RIT2: variants seen among roughly 807,000 people sequenced by gnomAD.
RIT2 encodes the protein Ras like without CAAX 2.
In RIT2, 24 loss-of-function variants were observed where a neutral mutation model predicts 23.7. The ratio of observed to expected loss-of-function variants is 1.01; its 90% CI spans 0.73 to 1.43. The LOEUF is 1.43. Among genes scored for constraint, RIT2 ranks in the 40% most tolerant of loss-of-function variants. RIT2 has a pLI of 0.00. For missense variants in RIT2, 236 were observed against 266.9 expected, an observed-to-expected ratio of 0.88 and a Z score of 0.81; for synonymous variants, 107 against 91.1, an observed-to-expected ratio of 1.17 and a Z score of -0.99.
At chr18:42,840,084 C>T (rs552132768) in intron 4 of RIT2, among the ~76,000 whole-genome samples, 1 of 152,288 alleles carries the variant, frequency 6.6e-6, no homozygotes, top group African/African-American at 2.4e-5. Context: ...TTCAGGTTAG[C>T]CCACCTTAAA....
chr18:42,826,432 C>T (rs1482144521), intron 4 of RIT2, among the ~76,000 whole-genome samples: 3 of 151,816 alleles, frequency 2.0e-5, no homozygotes, highest in Non-Finnish European at 4.4e-5. Context: ...TCAAAAGATG[C>T]AAAAAAACAT....
intron 3 of RIT2, among the ~76,000 whole-genome samples, chr18:42,947,556 T>C (rs1324432573): frequency 1.3e-5 from 2 of 152,118 alleles, no homozygotes; most frequent in Non-Finnish European, 2.9e-5. Context: ...GCAAGCCTTC[T>C]TAGAAATGTC....
intron 2 of RIT2, among the ~76,000 whole-genome samples, chr18:42,995,211 C>T (rs1039398212): frequency 3.9e-5 from 6 of 152,258 alleles, no homozygotes; most frequent in Admixed American, 2.0e-4. Flanking sequence ...GAAATCTATC[C>T]TCAAAGAAAT....
chr18:42,949,386 A>G (rs1243148168), intron 3 of RIT2, among the ~76,000 whole-genome samples: 1 of 152,124 alleles, frequency 6.6e-6, no homozygotes, highest in Non-Finnish European at 1.5e-5. Flanking sequence ...CAGGGAGGTA[A>G]AGGAAGACAA....
intron 1 of RIT2, among the ~76,000 whole-genome samples, chr18:43,086,478 G>A (rs1913285086): frequency 6.6e-6 from 1 of 152,176 alleles, no homozygotes; most frequent in African/African-American, 2.4e-5. Context: ...AGAGGGAGCT[G>A]TTGGAGAATT....
intron 4 of RIT2, among the ~76,000 whole-genome samples, chr18:42,807,165 A>C (rs1021629849): frequency 6.6e-6 from 1 of 152,184 alleles, no homozygotes; most frequent in Admixed American, 6.5e-5. Context: ...ATTTCAAAAA[A>C]GAAAGCCATT....
chr18:42,928,683 C>T (rs1909245326), intron 3 of RIT2, among the ~76,000 whole-genome samples: 1 of 151,812 alleles, frequency 6.6e-6, no homozygotes, highest in Non-Finnish European at 1.5e-5. Flanking sequence ...AAAAGGATTG[C>T]AATAAGTAGG....
chr18:42,837,231 G>A (rs539769298), intron 4 of RIT2, among the ~76,000 whole-genome samples: 2 of 122,660 alleles, frequency 1.6e-5, no homozygotes, highest in Non-Finnish European at 3.2e-5. Context: ...GCAGTGGCGT[G>A]ATCTCAGCTC....
At chr18:42,931,481 A>T (rs923078880) in intron 3 of RIT2, among the ~76,000 whole-genome samples, 4 of 152,144 alleles carry the variant, frequency 2.6e-5, no homozygotes, top group African/African-American at 9.7e-5. Flanking sequence ...CTAAGAAGGG[A>T]GGAGGAAAGA....
chr18:43,043,862 G>C (rs1912186541), intron 1 of RIT2, among the ~76,000 whole-genome samples: 1 of 152,102 alleles, frequency 6.6e-6, no homozygotes, highest in African/African-American at 2.4e-5. Context: ...AGCAGGGAGA[G>C]TGTTCTTTTA....
chr18:42,775,981 A>C (rs951191937), intron 4 of RIT2, among the ~76,000 whole-genome samples: 30 of 152,164 alleles, frequency 2.0e-4, no homozygotes, highest in African/African-American at 7.0e-4. Context: ...TAAGGCAATA[A>C]ATTGATGTGA....
At chr18:43,061,616 G>C (rs751120768) in intron 1 of RIT2, among the ~76,000 whole-genome samples, 6 of 152,072 alleles carry the variant, frequency 3.9e-5, no homozygotes, top group Non-Finnish European at 7.4e-5. Context: ...TTCTCGATTA[G>C]TTCCTTCTGA....
chr18:42,772,918 T>C (rs940202309), intron 4 of RIT2, among the ~76,000 whole-genome samples: 1 of 152,110 alleles, frequency 6.6e-6, no homozygotes, highest in Non-Finnish European at 1.5e-5. Context: ...TAGTGAGACC[T>C]TGGGAGAACC....
intron 4 of RIT2, among the ~76,000 whole-genome samples, chr18:42,922,786 T>C (rs1342984510): frequency 1.3e-5 from 2 of 152,130 alleles, no homozygotes; most frequent in Admixed American, 1.3e-4. Context: ...TTTTGTTTGT[T>C]CGGAGAAGTT....
intron 1 of RIT2, among the ~76,000 whole-genome samples, chr18:43,107,655 C>T (rs1315582841): frequency 1.3e-5 from 2 of 152,092 alleles, no homozygotes; most frequent in African/African-American, 4.8e-5. Context: ...AAGGAATTGT[C>T]ACCTTCTCTC....
intron 2 of RIT2, among the ~76,000 whole-genome samples, chr18:43,009,558 A>G (rs1350273167): frequency 6.6e-6 from 1 of 151,750 alleles, no homozygotes; most frequent in East Asian, 2.0e-4. Context: ...GGCAGCTGGA[A>G]TATTTTCACA....
chr18:42,959,619 C>A (rs1205351951), intron 3 of RIT2, among the ~76,000 whole-genome samples: 1 of 152,158 alleles, frequency 6.6e-6, no homozygotes, highest in African/African-American at 2.4e-5. Flanking sequence ...TTACTATTCT[C>A]CTAACAGGCT....
At chr18:43,013,244 T>C (rs1489423045) in intron 2 of RIT2, among the ~76,000 whole-genome samples, 4 of 151,910 alleles carry the variant, frequency 2.6e-5, no homozygotes, top group Non-Finnish European at 4.4e-5. Context: ...TTAAAAATTG[T>C]TATAGTACTT....
intron 2 of RIT2, among the ~76,000 whole-genome samples, chr18:42,983,851 GACATTA>G (rs572420374): frequency 6.6e-6 from 1 of 152,152 alleles, no homozygotes; most frequent in South Asian, 2.1e-4. Flanking sequence ...AAAATGTAGT[GACATTA>G]ACCTAATGCT....
Sources: allele counts gnomAD v4.1 joint callset (sites outside exome capture counted in the v4.1 genomes callset), GRCh38; gene constraint gnomAD v4.1.1; transcripts MANE v1.5; gene names NCBI Gene and HGNC (gene_info 2026-07-23, HGNC 2026-07-21).